Variants in TACC3 observed in about 807,000 individuals in gnomAD.
TACC3 encodes the protein transforming acidic coiled-coil-containing protein 3.
In TACC3, 52 loss-of-function variants were observed where a neutral mutation model predicts 86.0. The ratio of observed to expected loss-of-function variants is 0.60; its 90% CI spans 0.48 to 0.76. TACC3 has a LOEUF of 0.76. Ranked by LOEUF, TACC3 falls within the 30% of genes least tolerant of loss-of-function variation. The probability of loss-of-function intolerance (pLI) is 0.00; values close to 1 mark genes in which losing one functional copy is unlikely to be tolerated. For synonymous variants in TACC3, 512 were observed against 430.0 expected (o/e 1.19, Z -2.36); for missense variants, 1,120 against 1,070.4 (o/e 1.05, Z -0.65).
At chr4:1,720,971 T>G, upstream of TACC3, 4 of 385,906 alleles carry the variant, frequency 1.0e-5, no homozygotes, top group Non-Finnish European at 1.3e-5. The surrounding 1 kb of genome is among the most constrained non-coding windows in gnomAD (Gnocchi z 4.4). Context: ...GGACATGGAG[T>G]CCCGCCGCCC....
intron 12 of TACC3, 139 bp from the exon 13 acceptor site, chr4:1,740,687 C>T: frequency 1.4e-6 from 1 of 711,544 alleles, no homozygotes; most frequent in Non-Finnish European, 2.4e-6. Flanking sequence ...TGGAGGGACC[C>T]ATCACCCTCC....
At chr4:1,739,520 G>A (rs1394148459) in intron 10 of TACC3, 182 bp from the exon 11 acceptor site, 12 of 606,748 alleles carry the variant, frequency 2.0e-5, no homozygotes, top group South Asian at 6.1e-5. Context: ...TCGGGTGCAC[G>A]TGGAGCAGGT....
In TACC3 at chr4:1,740,254, C is replaced by T. The variant is rs1267931344; in HGVS notation, c.2062+252C>T. ...CACAGTTGTGCAGATGCTGAGCTAG[C>T]AGTGGGGCTGTGGTGGGAGCAGAGT... On this transcript the variant is annotated intron_variant, in intron 12 of 15. Coordinates refer to ENST00000313288, the MANE Select transcript of TACC3 (RefSeq NM_006342.3). 1.6e-5 allele frequency: 9 copies of T among 579,606 alleles called. No homozygotes were observed. The East Asian group carries it at 2.3e-4, about 15-fold the overall frequency. The allele number at this position is 579,606 out of a possible 1,614,324, so 35.9% of individuals were successfully genotyped here.
intron 10 of TACC3, 105 bp from the exon 11 acceptor site, chr4:1,739,597 C>T (rs916528714): frequency 1.4e-5 from 15 of 1,061,746 alleles, no homozygotes; most frequent in Admixed American, 2.2e-5. Context: ...GCCTCTGGGA[C>T]ATTGCTCCAG....
At chr4:1,723,278 A>T (rs980304460) in intron 1 of TACC3, 143 bp from the exon 2 acceptor site, 38 of 767,966 alleles carry the variant, frequency 4.9e-5, no homozygotes, top group Non-Finnish European at 8.0e-5. Context: ...GCCAAGAGAC[A>T]CGTGTGGGAG....
intron 13 of TACC3, among the ~76,000 whole-genome samples, chr4:1,743,476 C>A (rs1261706399): frequency 6.6e-6 from 1 of 151,928 alleles, no homozygotes; most frequent in Admixed American, 6.6e-5. Flanking sequence ...TCGCTTGAAT[C>A]CGGGAGGCGG....
chr4:1,732,813 C>T (rs927456923), intron 6 of TACC3, among the ~76,000 whole-genome samples: 2 of 152,330 alleles, frequency 1.3e-5, no homozygotes, highest in African/African-American at 4.8e-5. Flanking sequence ...CTTGCCGTGG[C>T]AGCTTGGCTT....
chr4:1,724,272 G>A (rs968656795), intron 3 of TACC3, among the ~76,000 whole-genome samples: 34 of 151,752 alleles, frequency 2.2e-4, no homozygotes, highest in African/African-American at 8.0e-4. Context: ...ACGCCCGGCC[G>A]GCCTTGGCTG....
Position 1,739,890 on chromosome 4 carries a change from C to G in TACC3, c.2019-69C>G, listed in dbSNP as rs1011098244. On this transcript the variant is annotated intron_variant, in intron 11 of 15. Coordinates refer to ENST00000313288, the MANE Select transcript of TACC3 (RefSeq NM_006342.3). The stretch of plus-strand genomic sequence containing the variant: ...CCCCTCGCCATCCCTGTCCCCGTCC[C>G]CATCCCCACCTGGCCTGGGACCGCT... 6.9e-6 allele frequency: 11 copies of G among 1,605,490 alleles called. No individual in the cohort carries two copies. The African/African-American group carries it at 1.5e-4, about 21-fold the overall frequency.
intron 9 of TACC3, 55 bp from the exon 10 acceptor site, chr4:1,737,543 C>T (rs1718341144): frequency 7.3e-7 from 1 of 1,367,878 alleles, no homozygotes; most frequent in South Asian, 1.4e-5. Flanking sequence ...CACACTAGGT[C>T]AGAGGTAAGA....
chr4:1,731,571 C>T (rs1560306953), intron 6 of TACC3, among the ~76,000 whole-genome samples: 3 of 152,094 alleles, frequency 2.0e-5, no homozygotes, highest in Non-Finnish European at 2.9e-5. Flanking sequence ...CAATGCAGTG[C>T]GCTAATGAGA....
rs756096727 is a variant in TACC3, at chr4:1,744,598, G to A, written c.2304G>A (p.Lys768=). 1.9e-6 allele frequency: 3 copies of A among 1,613,126 alleles called. No homozygotes were observed. In the East Asian group the frequency reaches 6.7e-5, roughly 36 times the overall value. Residue 768 remains lysine (K), a synonymous_variant, in exon 14 of 16, where the codon AAG becomes AAA. Transcript: ENST00000313288. The part of the protein sequence containing the change: ...TQEGQRYQAL[K]AHAEEKLQLA... ...AGGGCCAGAGGTACCAAGCCCTGAA[G>A]GCCCACGCGGAGGAGAAGCTGCAGC...
At chr4:1,722,513 G>A (rs1717455893) in intron 1 of TACC3, among the ~76,000 whole-genome samples, 1 of 152,106 alleles carries the variant, frequency 6.6e-6, no homozygotes, top group Admixed American at 6.5e-5. Flanking sequence ...CCCACACACA[G>A]CACCACAGTG....
At chr4:1,725,948 A>T (rs1717666629) in intron 3 of TACC3, among the ~76,000 whole-genome samples, 1 of 152,254 alleles carries the variant, frequency 6.6e-6, no homozygotes, top group Admixed American at 6.5e-5. Context: ...CCTCACCCTC[A>T]GTTTCTCAGT....
At chr4:1,723,939 G>T in intron 3 of TACC3, 69 bp downstream of exon 3, 1 of 1,554,802 alleles carries the variant, frequency 6.4e-7, no homozygotes, top group East Asian at 2.2e-5. Context: ...GCAGGAAAGT[G>T]CTGTCTTGTT....
At chr4:1,732,998 GCTACCAGGTGGC>G (rs1718077863) in intron 6 of TACC3, among the ~76,000 whole-genome samples, 1 of 152,188 alleles carries the variant, frequency 6.6e-6, no homozygotes, top group Admixed American at 6.5e-5. Flanking sequence ...TCACCTTTTA[GCTACCAGGTGGC>G]CTTCCAGAGT....
intron 4 of TACC3, among the ~76,000 whole-genome samples, chr4:1,729,104 A>G (rs1162982830): frequency 2.0e-5 from 3 of 152,134 alleles, no homozygotes; most frequent in East Asian, 1.9e-4. Flanking sequence ...TCCTCAGGTG[A>G]ACTTGACTTG....
In TACC3 at chr4:1,726,895, G is replaced by T. The variant is rs572766877; in HGVS notation, c.306-813G>T. The stretch of plus-strand genomic sequence containing the variant: ...TGTAATCCTAGCACTGGGAGGCCGA[G>T]GCGGGTGGATCACCTAAGGTCAGGA... On this transcript the variant is annotated intron_variant, in intron 3 of 15. Transcript: ENST00000313288. Among the ~76,000 whole-genome samples, 39 of 152,312 alleles carry T rather than the reference G, an allele frequency of 2.6e-4. No homozygotes were observed. In the East Asian group the frequency reaches 2.7e-3, roughly 11 times the overall value.
At chr4:1,731,151 T>G (rs1257920028) in intron 5 of TACC3, 21 bp from the exon 6 acceptor site, 1 of 1,612,874 alleles carries the variant, frequency 6.2e-7, no homozygotes, top group South Asian at 1.1e-5. Flanking sequence ...CTGCACAGGG[T>G]GACTCTGCCC....
Sources: allele counts gnomAD v4.1 joint callset (sites outside exome capture counted in the v4.1 genomes callset), GRCh38; gene constraint gnomAD v4.1.1; non-coding constraint Gnocchi (gnomAD v3.1); transcripts MANE v1.5; gene names NCBI Gene and HGNC (gene_info 2026-07-23, HGNC 2026-07-21).